Variants in HSP90AB1 observed in about 807,000 individuals in gnomAD.
HSP90AB1 encodes the protein heat shock protein HSP 90-beta.
In HSP90AB1, 17 loss-of-function variants were observed where a neutral mutation model predicts 67.8. The observed-to-expected ratio is 0.25, with a 90% CI of 0.17 to 0.38. The LOEUF (loss-of-function observed/expected upper bound fraction) is 0.38, where lower values mean the gene tolerates loss of function less well. HSP90AB1 is among the 10% of genes least tolerant of loss of function. The pLI, the probability that HSP90AB1 is intolerant of heterozygous loss-of-function variation, is 1.00. For missense variants in HSP90AB1, 690 were observed against 899.9 expected, an observed-to-expected ratio of 0.77 and a Z score of 2.98; for synonymous variants, 390 against 312.9, an observed-to-expected ratio of 1.25 and a Z score of -2.60.
At chr6:44,250,208 C>T in intron 5 of HSP90AB1, 54 bp downstream of exon 5, 6 of 1,612,124 alleles carry the variant, frequency 3.7e-6, no homozygotes, top group East Asian at 2.2e-5. Flanking sequence ...GTTTCCTGTT[C>T]TGGAGAATCT....
chr6:44,249,464 C>G lies in HSP90AB1; in HGVS notation c.235C>G (p.Pro79Ala), dbSNP rs987570357. The G allele has an allele frequency of 4.3e-6, 7 of 1,613,874 alleles. No homozygotes were observed. Among genetic ancestry groups the G allele is most frequent in the Non-Finnish European group, 5.9e-6 (7 of 1,179,806 alleles). Residue 79 changes from proline to alanine, a missense_variant, in exon 3 of 12, where the codon CCT (proline) becomes GCT (alanine). By Grantham distance (27) the Pro-to-Ala change is conservative. Coordinates refer to ENST00000371646, the MANE Select transcript of HSP90AB1 (RefSeq NM_007355.4). ...KELKIDIIPN[P>A]QERTLTLVDT... ...GCTGAAAATTGACATCATCCCCAAC[C>G]CTCAGGAACGTACCCTGACTTTGGT...
intron 4 of HSP90AB1, 68 bp from the exon 5 acceptor site, chr6:44,249,953 T>G: frequency 6.3e-7 from 1 of 1,594,702 alleles, no homozygotes; most frequent in Non-Finnish European, 8.6e-7. Context: ...CTGCTGATAC[T>G]TACTAATTGC....
At chr6:44,248,563 T>G (rs182765258) in intron 1 of HSP90AB1, 67 bp from the exon 2 acceptor site, 24 of 1,445,074 alleles carry the variant, frequency 1.7e-5, no homozygotes, top group Non-Finnish European at 2.0e-5. Flanking sequence ...ACAAATGATA[T>G]GACCTTTAGG....
intron 1 of HSP90AB1, chr6:44,247,846 G>A (rs1382765483): frequency 6.6e-6 from 1 of 152,254 alleles, no homozygotes; most frequent in Non-Finnish European, 1.5e-5. Flanking sequence ...GAAGCTTCTG[G>A]ATTCTGGCGC....
Position 44,251,065 on chromosome 6 carries a change from T to A in HSP90AB1, c.975T>A (p.Gly325=). ...HLAVKHFSVE[G]QLEFRALLFI... ...TCTTTCAGCACTTTTCTGTAGAAGG[T>A]CAGTTGGAATTCAGGGCATTGCTAT... The change falls in exon 7 of 12, where the codon GGT becomes GGA. Residue 325 remains glycine, a synonymous_variant. Transcript: ENST00000371646. The A allele has an allele frequency of 1.2e-6, 2 of 1,614,032 alleles. No individual in the cohort carries two copies. The highest frequency in any genetic ancestry group is 1.7e-6 in the Non-Finnish European group (2 of 1,179,916).
At chr6:44,247,546 G>C (rs1251533335) in intron 1 of HSP90AB1, among the ~76,000 whole-genome samples, 1 of 152,218 alleles carries the variant, frequency 6.6e-6, no homozygotes, top group Admixed American at 6.5e-5. Flanking sequence ...GGCGTCGGAG[G>C]GGGACCGCAG....
At position 44,248,651 on chromosome 6, in the gene HSP90AB1, G is replaced by A. The variant is rs894048066; in HGVS notation, c.22G>A (p.Gly8Arg). 1.2e-6 allele frequency: 2 copies of A among 1,612,960 alleles called. No homozygotes were observed. The highest frequency in any genetic ancestry group is 1.3e-5 in the African/African-American group (1 of 74,934). Residue 8 changes from glycine to arginine, a missense_variant, in exon 2 of 12, where the codon GGA becomes AGA. This residue lies in a region of HSP90AB1 where 25 missense variants were observed against 18.0 expected (regional missense o/e 1.39). Coordinates refer to ENST00000371646, the MANE Select transcript of HSP90AB1 (RefSeq NM_007355.4). Reference protein sequence around the residue: MPEEVHHGEEEVETFAFQ... With the variant: MPEEVHHREEEVETFAFQ... ...TTAGATGCCTGAGGAAGTGCACCAT[G>A]GAGAGGAGGAGGTGGAGACTTTTGC...
In HSP90AB1 at chr6:44,249,455, A is replaced by C. The variant is rs1486583856; in HGVS notation, c.226A>C (p.Ile76Leu). The C allele has an allele frequency of 1.9e-6, 3 of 1,614,056 alleles. No individual in the cohort carries two copies. Among genetic ancestry groups the C allele is most frequent in the Non-Finnish European group, 1.7e-6 (2 of 1,179,938 alleles). ...DSGKELKIDI[I>L]PNPQERTLTL... ...TGGTAAAGAGCTGAAAATTGACATC[A>C]TCCCCAACCCTCAGGAACGTACCCT... Residue 76 changes from isoleucine (I) to leucine (L), a missense_variant, in exon 3 of 12, where the codon ATC (isoleucine) becomes CTC (leucine). This residue lies in a region of HSP90AB1 where 88 missense variants were observed against 167.7 expected (regional missense o/e 0.52). Transcript: ENST00000371646.
At chr6:44,251,967 T>G (rs779961355) in intron 9 of HSP90AB1, 32 bp from the exon 10 acceptor site, 1 of 1,613,782 alleles carries the variant, frequency 6.2e-7, no homozygotes. Flanking sequence ...ATGAGGCATT[T>G]TAGTCACTGA....
At chr6:44,248,297 A>G (rs557515339) in intron 1 of HSP90AB1, among the ~76,000 whole-genome samples, 3 of 152,346 alleles carry the variant, frequency 2.0e-5, no homozygotes, top group South Asian at 2.1e-4. Flanking sequence ...GGATCTCTAG[A>G]TACCTGGGTT....
At chr6:44,248,234 TAAAG>T (rs552632664) in intron 1 of HSP90AB1, among the ~76,000 whole-genome samples, 198 of 152,236 alleles carry the variant, frequency 1.3e-3, no homozygotes, top group African/African-American at 4.6e-3. Flanking sequence ...CTCCCCCAAA[TAAAG>T]AACTGTAGGT....
rs201247226 is a variant in HSP90AB1, at chr6:44,249,540, C to T, written c.311C>T (p.Thr104Ile). Residue 104 changes from threonine (T) to isoleucine (I), a missense_variant, in exon 3 of 12, where the codon ACC (threonine) becomes ATC (isoleucine). Coordinates refer to ENST00000371646, the MANE Select transcript of HSP90AB1 (RefSeq NM_007355.4). Reference protein sequence around the residue: ...TKADLINNLGTIAKSGTKAFM... With the variant: ...TKADLINNLGIIAKSGTKAFM... The stretch of plus-strand genomic sequence containing the variant: ...GCTGATCTCATAAATAATTTGGGAA[C>T]CATTGCCAAGTCTGGTACTAAAGCA... 1 of 1,614,162 alleles carries T rather than the reference C, an allele frequency of 6.2e-7. No individual in the cohort carries two copies. Among genetic ancestry groups the T allele is most frequent in the African/African-American group, 1.3e-5 (1 of 75,038 alleles).
At chr6:44,248,805 T>A in intron 2 of HSP90AB1, 29 bp downstream of exon 2, 1 of 1,524,618 alleles carries the variant, frequency 6.6e-7, no homozygotes, top group Non-Finnish European at 8.7e-7. Context: ...ACATTTGGCA[T>A]GGTTTTTTTT....
Position 44,251,100 on chromosome 6 carries a change from G to T in HSP90AB1, c.1010G>T (p.Arg337Leu). ...LEFRALLFIP[R>L]RAPFDLFENK... is the part of the protein sequence containing the mutation. ...TTCAGGGCATTGCTATTTATTCCTC[G>T]TCGGGCTCCCTTTGACCTTTTTGAG... The change falls in exon 7 of 12, where the codon CGT (arginine) becomes CTT (leucine). Residue 337 changes from arginine (R) to leucine (L), a missense_variant. Physicochemically the swap from Arg to Leu is moderately radical, Grantham distance 102 (BLOSUM62 -2). This residue lies in a region of HSP90AB1 where 101 missense variants were observed against 174.8 expected (regional missense o/e 0.58). Transcript: ENST00000371646. 1.9e-6 allele frequency: 3 copies of T among 1,614,032 alleles called. No homozygotes were observed. Among genetic ancestry groups the T allele is most frequent in the Non-Finnish European group, 1.7e-6 (2 of 1,179,972 alleles).
At chr6:44,249,265 G>T in intron 2 of HSP90AB1, 112 bp from the exon 3 acceptor site, 1 of 820,844 alleles carries the variant, frequency 1.2e-6, no homozygotes, top group South Asian at 1.5e-5. Context: ...CTCGAACCTG[G>T]GAGGTCAAGG....
At position 44,248,749 on chromosome 6, in the gene HSP90AB1, T is replaced by C. The variant is rs371883334; in HGVS notation, c.120T>C (p.Leu40=). ...TCTATTCCAACAAGGAGATTTTCCT[T>C]CGGGAGTTGATCTCTAATGCTTCTG... The part of the protein sequence containing the change: ...NTFYSNKEIF[L]RELISNASDA... Residue 40 remains leucine, a synonymous_variant, in exon 2 of 12, where the codon CTT becomes CTC. Transcript: ENST00000371646. 1.5e-5 allele frequency: 25 copies of C among 1,613,910 alleles called. No homozygotes were observed. In the South Asian group the frequency reaches 2.1e-4, roughly 13 times the overall value.
intron 4 of HSP90AB1, 83 bp downstream of exon 4, chr6:44,249,917 CTG>C (rs1780428267): frequency 6.3e-7 from 1 of 1,585,276 alleles, no homozygotes. Context: ...GGCATCCTGT[CTG>C]TAAAGCAGTT....
intron 1 of HSP90AB1, chr6:44,247,810 C>G (rs1459000078): frequency 6.6e-6 from 1 of 152,244 alleles, no homozygotes; most frequent in Non-Finnish European, 1.5e-5. Context: ...TTCCTCCGCC[C>G]TTCCTCGAGA....
chr6:44,252,362 CTATTT>C, intron 10 of HSP90AB1, 95 bp downstream of exon 10: 5 of 1,143,936 alleles, frequency 4.4e-6, no homozygotes, highest in Non-Finnish European at 6.3e-6. Flanking sequence ...TTGAGGCAGC[CTATTT>C]ACTGTTTCAT....
Sources: allele counts gnomAD v4.1 joint callset (sites outside exome capture counted in the v4.1 genomes callset), GRCh38; gene constraint gnomAD v4.1.1; regional missense constraint gnomAD v4.1.1; transcripts MANE v1.5; gene names NCBI Gene and HGNC (gene_info 2026-07-23, HGNC 2026-07-21).